FAM184B: variants seen among roughly 807,000 people sequenced by gnomAD.
The protein encoded by FAM184B is family with sequence similarity 184 member B.
A neutral mutation model predicts 135.9 loss-of-function variants in FAM184B; 111 were observed. That is an observed-to-expected ratio of 0.82 (90% confidence interval 0.70 to 0.96). FAM184B has a LOEUF of 0.96. Among genes scored for constraint, FAM184B ranks in the 40% least tolerant of loss-of-function variants. The pLI is 0.00. For missense variants in FAM184B, 1,375 were observed against 1,323.9 expected (o/e 1.04, Z -0.60); for synonymous variants, 552 against 524.8 (o/e 1.05, Z -0.71).
intron 1 of FAM184B, among the ~76,000 whole-genome samples, chr4:17,765,865 G>A (rs998074666): frequency 1.1e-4 from 16 of 151,960 alleles, no homozygotes; most frequent in Admixed American, 7.9e-4. Flanking sequence ...GGAGAGTTCG[G>A]GGTCTCCCTG....
chr4:17,705,210 TAAAAAG>T lies in FAM184B; in HGVS notation c.1171-10_1171-5del. ...CAGCACTTGCCTCTTTCTTGGTCTA[TAAAAAG>T]AAAAAGGACCTTGTAAAACCACTGG... On this transcript the variant is annotated splice_region_variant and splice_polypyrimidine_tract_variant and intron_variant, in intron 4 of 17. Transcript: ENST00000265018. The T allele has an allele frequency of 6.5e-7, 1 of 1,549,458 alleles. No homozygotes were observed. The highest frequency in any genetic ancestry group is 8.7e-7 in the Non-Finnish European group (1 of 1,146,330).
At chr4:17,652,769 G>T in intron 11 of FAM184B, 61 bp downstream of exon 11, 1 of 1,511,900 alleles carries the variant, frequency 6.6e-7, no homozygotes, top group Non-Finnish European at 8.9e-7. Context: ...CTTGTCTCTG[G>T]TTTCTACATG....
Position 17,629,739 on chromosome 4 carries a change from TGAGA to T in FAM184B, c.*2789_*2792del, listed in dbSNP as rs1309816264. ...TGTCATCTCTAGACCGCTCTGCTGTTGAGAGATTGATGGAATCATTATGCAAACT... is the reference window on the plus strand; with the variant it reads ...TGTCATCTCTAGACCGCTCTGCTGTTGATTGATGGAATCATTATGCAAACT... On this transcript the variant is annotated 3_prime_UTR_variant, in exon 18 of 18. Coordinates refer to ENST00000265018, the MANE Select transcript of FAM184B (RefSeq NM_015688.2). 1 of 152,216 alleles carries T rather than the reference TGAGA, an allele frequency of 6.6e-6. No individual in the cohort carries two copies. Among genetic ancestry groups the T allele is most frequent in the African/African-American group, 2.4e-5 (1 of 41,450 alleles). The allele number at this position is 152,216 out of a possible 1,614,324, so 9.4% of individuals were successfully genotyped here. A position where few individuals can be genotyped will look rare whatever the true frequency, so the allele number is the denominator to read the frequency against.
intron 4 of FAM184B, 74 bp downstream of exon 4, chr4:17,705,678 C>T (rs72619125): frequency 0.22 from 333,604 of 1,514,476 alleles, 42,018 homozygotes; most frequent in East Asian, 0.61. Flanking sequence ...GGGGACTGGC[C>T]TCTACCTGAC....
rs781254598 is a variant in FAM184B, at chr4:17,630,752, G to A, written c.*1780C>T. ...TAGGCAGTAAATTTACCTTTAATAC[G>A]TAAGTTTGACAGTTATATGTAATCA... is the stretch of plus-strand genomic sequence containing the variant. On this transcript the variant is annotated 3_prime_UTR_variant, in exon 18 of 18. Coordinates refer to ENST00000265018, the MANE Select transcript of FAM184B (RefSeq NM_015688.2). The A allele has an allele frequency of 2.7e-5, 4 of 150,446 alleles. No individual in the cohort carries two copies. In the Admixed American group the frequency reaches 2.7e-4, roughly 10 times the overall value. The allele number at this position is 150,446 out of a possible 1,614,324, so 9.3% of individuals were successfully genotyped here. A position where few individuals can be genotyped will look rare whatever the true frequency, so the allele number is the denominator to read the frequency against.
chr4:17,773,910 G>A (rs2108998744), intron 1 of FAM184B, among the ~76,000 whole-genome samples: 1 of 152,300 alleles, frequency 6.6e-6, no homozygotes, highest in South Asian at 2.1e-4. Context: ...TCTTGCAGAG[G>A]AATACATGCT....
chr4:17,632,787 G>T (rs926859281), intron 17 of FAM184B, 162 bp from the exon 18 acceptor site: 3 of 552,402 alleles, frequency 5.4e-6, no homozygotes, highest in Non-Finnish European at 6.5e-6. Flanking sequence ...TGTAAAGGAT[G>T]GGGCTGGGGA....
chr4:17,640,302 C>T (rs182507686), intron 13 of FAM184B, among the ~76,000 whole-genome samples: 9,410 of 127,768 alleles, frequency 0.074, 803 homozygotes, highest in African/African-American at 0.22. Context: ...GAAACCTCGT[C>T]TCTACTAAAA....
At chr4:17,755,244 G>C (rs989850321) in intron 1 of FAM184B, among the ~76,000 whole-genome samples, 1 of 151,838 alleles carries the variant, frequency 6.6e-6, no homozygotes, top group Non-Finnish European at 1.5e-5. Flanking sequence ...CTATTTTCTA[G>C]GTCTTCATAA....
At chr4:17,735,844 C>G (rs190006817) in intron 1 of FAM184B, among the ~76,000 whole-genome samples, 8 of 152,298 alleles carry the variant, frequency 5.3e-5, no homozygotes, top group Admixed American at 5.2e-4. Context: ...CACCTACACA[C>G]AGTGCCAAAC....
At chr4:17,774,573 G>A (rs1006161096) in intron 1 of FAM184B, among the ~76,000 whole-genome samples, 2 of 152,158 alleles carry the variant, frequency 1.3e-5, no homozygotes, top group African/African-American at 4.8e-5. Context: ...CCTCCTCTGG[G>A]TGCATTTTAC....
intron 17 of FAM184B, 178 bp from the exon 18 acceptor site, chr4:17,632,803 T>G: frequency 1.9e-6 from 1 of 517,526 alleles, no homozygotes; most frequent in South Asian, 2.3e-5. Context: ...GGGGAGGGAG[T>G]ACCTAATCCT....
intron 16 of FAM184B, 31 bp downstream of exon 16, chr4:17,634,978 T>A (rs1411752974): frequency 1.4e-6 from 2 of 1,454,652 alleles, no homozygotes; most frequent in Non-Finnish European, 1.9e-6. Context: ...TGGAATTGTA[T>A]AATGCATTAA....
Position 17,708,939 on chromosome 4 carries a change from TC to T in FAM184B, c.846del (p.Ile283Ter), listed in dbSNP as rs1717182557. 1 of 1,545,794 alleles carries T rather than the reference TC, an allele frequency of 6.5e-7. No individual in the cohort carries two copies. Among genetic ancestry groups the T allele is most frequent in the Non-Finnish European group, 8.7e-7 (1 of 1,144,298 alleles). On this transcript the variant is annotated frameshift_variant, in exon 2 of 18. Coordinates refer to ENST00000265018, the MANE Select transcript of FAM184B (RefSeq NM_015688.2). LOFTEE classifies it high-confidence loss of function. ...LEGDLEHRGR[K>X]ISDLKKYAQK... ...TGGGCGTACTTCTTCAGGTCACTTA[TC>T]TTGCGGCCTCTGTGCTCCAGGTCTC...
At chr4:17,653,925 G>GGAGGGAGAGAGAGA (rs140514998) in intron 10 of FAM184B, among the ~76,000 whole-genome samples, 2 of 131,272 alleles carry the variant, frequency 1.5e-5, no homozygotes, top group African/African-American at 5.6e-5. Flanking sequence ...AGAGAGGGAG[G>GGAGGGAGAGAGAGA]GGGAGGGGGA....
intron 1 of FAM184B, among the ~76,000 whole-genome samples, chr4:17,721,431 A>G (rs1044185027): frequency 2.8e-5 from 4 of 142,804 alleles, no homozygotes; most frequent in Admixed American, 1.5e-4. Flanking sequence ...CAGAAAGGGC[A>G]TCCGAGTGCA....
intron 7 of FAM184B, among the ~76,000 whole-genome samples, chr4:17,667,096 C>A (rs890165658): frequency 1.3e-5 from 2 of 151,880 alleles, no homozygotes; most frequent in Admixed American, 1.3e-4. Flanking sequence ...GTAGCTGGGA[C>A]TACAGGTATA....
intron 1 of FAM184B, among the ~76,000 whole-genome samples, chr4:17,752,225 A>C (rs1372765941): frequency 1.3e-5 from 2 of 152,224 alleles, no homozygotes; most frequent in Admixed American, 1.3e-4. Flanking sequence ...CTTTCATACA[A>C]GAGAATGAAT....
At chr4:17,690,188 CA>C (rs906438823) in intron 6 of FAM184B, among the ~76,000 whole-genome samples, 73 of 152,104 alleles carry the variant, frequency 4.8e-4, no homozygotes, top group Non-Finnish European at 1.6e-4. Flanking sequence ...AAACTCTGCC[CA>C]GGGGCATTCA....
Sources: gnomAD v4.1 joint callset for allele counts (sites outside exome capture counted in the v4.1 genomes callset) on GRCh38, gnomAD v4.1.1 for gene constraint, MANE v1.5 for transcripts, NCBI Gene and HGNC (gene_info 2026-07-23, HGNC 2026-07-21) for gene names.